Variants in ZDHHC7 observed in about 807,000 individuals in gnomAD.
ZDHHC7 encodes palmitoyltransferase ZDHHC7.
ZDHHC7 carries 12 observed loss-of-function variants against 34.1 expected under a neutral mutation model. That is an observed-to-expected ratio of 0.35 (90% CI 0.23 to 0.57). The LOEUF (loss-of-function observed/expected upper bound fraction) is 0.57, where lower values mean the gene tolerates loss of function less well. Among genes scored for constraint, ZDHHC7 ranks in the 20% least tolerant of loss-of-function variants. ZDHHC7 has a pLI of 0.84. For missense variants in ZDHHC7, 388 were observed against 402.7 expected (o/e 0.96, Z 0.31); for synonymous variants, 185 against 155.4 (o/e 1.19, Z -1.42).
At chr16:85,012,107 C>A (rs142265021), upstream of ZDHHC7, among the ~76,000 whole-genome samples, 1,051 of 152,204 alleles carry the variant, frequency 6.9e-3, 14 homozygotes, top group African/African-American at 0.024. Context: ...TAAGGCCGGG[C>A]GCGGTGGCTC....
intron 1 of ZDHHC7, among the ~76,000 whole-genome samples, chr16:85,005,752 G>C (rs970396904): frequency 6.6e-6 from 1 of 152,152 alleles, no homozygotes; most frequent in Non-Finnish European, 1.5e-5. Flanking sequence ...CCCTCCTCAC[G>C]CAGTGCTGCA....
At chr16:84,978,517 T>C (rs1463222491) in intron 5 of ZDHHC7, among the ~76,000 whole-genome samples, 1 of 152,058 alleles carries the variant, frequency 6.6e-6, no homozygotes, top group Non-Finnish European at 1.5e-5. Context: ...GCAGATGGCT[T>C]GAGCTCAGGA....
chr16:85,007,182 G>T (rs892489306), intron 1 of ZDHHC7, among the ~76,000 whole-genome samples: 2 of 151,976 alleles, frequency 1.3e-5, no homozygotes, highest in African/African-American at 4.8e-5. Context: ...CCAGCACTTT[G>T]GGAGGCCAAG....
At chr16:84,990,792 T>A (rs930170660) in intron 2 of ZDHHC7, among the ~76,000 whole-genome samples, 157 bp from the exon 3 acceptor site, 1 of 152,226 alleles carries the variant, frequency 6.6e-6, no homozygotes, top group African/African-American at 2.4e-5. Context: ...TCTGAATTTT[T>A]AAATCTCTGA....
At chr16:85,012,575 A>G (rs555172229), upstream of ZDHHC7, among the ~76,000 whole-genome samples, 1 of 152,138 alleles carries the variant, frequency 6.6e-6, no homozygotes, top group East Asian at 1.9e-4. Context: ...GGTATGCCAG[A>G]CAATACCTAC....
the ZDHHC7 span, among the ~76,000 whole-genome samples, chr16:85,020,427 C>T: frequency 6.6e-6 from 1 of 152,116 alleles, no homozygotes; most frequent in South Asian, 2.1e-4. Context: ...TAATTGCAAA[C>T]GTGTTTCTGT....
intron 1 of ZDHHC7, among the ~76,000 whole-genome samples, chr16:84,999,285 T>A (rs1433199509): frequency 6.6e-6 from 1 of 152,164 alleles, no homozygotes; most frequent in East Asian, 1.9e-4. Flanking sequence ...TTTTAAAAAG[T>A]AACCACTTTG....
At chr16:85,022,240 G>T in the ZDHHC7 span, among the ~76,000 whole-genome samples, 2 of 151,248 alleles carry the variant, frequency 1.3e-5, no homozygotes, top group African/African-American at 4.9e-5. Context: ...AGAAAACTCA[G>T]CCAGGCACAG....
intron 3 of ZDHHC7, among the ~76,000 whole-genome samples, chr16:84,989,362 G>C (rs997589086): frequency 3.9e-5 from 6 of 152,200 alleles, no homozygotes; most frequent in Non-Finnish European, 5.9e-5. Context: ...GCCACGTGCA[G>C]ACCACATTCT....
the ZDHHC7 span, among the ~76,000 whole-genome samples, chr16:85,021,676 C>G: frequency 6.6e-6 from 1 of 151,886 alleles, no homozygotes; most frequent in African/African-American, 2.4e-5. Context: ...AGAGATTGTG[C>G]CACTGCACTC....
the ZDHHC7 span, among the ~76,000 whole-genome samples, chr16:85,022,768 C>G: frequency 6.6e-6 from 1 of 152,174 alleles, no homozygotes; most frequent in African/African-American, 2.4e-5. Flanking sequence ...GACAAATAGA[C>G]AGTATGTGCC....
chr16:85,002,524 C>G (rs1469000200), intron 1 of ZDHHC7, among the ~76,000 whole-genome samples: 1 of 152,118 alleles, frequency 6.6e-6, no homozygotes, highest in African/African-American at 2.4e-5. Context: ...ATCCCTGACC[C>G]ACAGCACTGC....
the ZDHHC7 span, among the ~76,000 whole-genome samples, chr16:85,021,878 C>T: frequency 3.3e-5 from 5 of 151,642 alleles, no homozygotes; most frequent in South Asian, 4.2e-4. Context: ...AAAGACAGGC[C>T]GGGCGCAGTG....
rs549990061 is a variant in ZDHHC7 at position 85,009,510 on chromosome 16, T to C, written c.-104+1776A>G. 2.0e-5 allele frequency among the ~76,000 whole-genome samples: 3 copies of C among 150,968 alleles called. No individual in the cohort carries two copies. The South Asian group carries it at 6.2e-4, about 31-fold the overall frequency. ...GCCAATGGTAGCAGAAGAGTTCCCA[T>C]TGTTACTTAGCGAATCCTTTGGGAA... is the stretch of plus-strand genomic sequence containing the variant. On this transcript the variant is annotated intron_variant, in intron 1 of 7. Transcript: ENST00000313732.
intron 4 of ZDHHC7, among the ~76,000 whole-genome samples, chr16:84,980,532 T>C (rs1247974662): frequency 6.6e-6 from 1 of 151,734 alleles, no homozygotes. Flanking sequence ...CAGCCAGGCA[T>C]GGTGGCGGGC....
chr16:85,003,633 C>G (rs969847097), intron 1 of ZDHHC7, among the ~76,000 whole-genome samples: 1 of 152,096 alleles, frequency 6.6e-6, no homozygotes. Flanking sequence ...GAATATTAAC[C>G]CAACTCAAGC....
chr16:84,990,457 C>A lies in ZDHHC7; in HGVS notation c.162G>T (p.Thr54=). ...AGTCTGCATAGGCGACCAGAAGCCA[C>A]GTCATGACAGCACAGATCATGCCGC... The part of the protein sequence containing the change: ...DGCGMICAVM[T]WLLVAYADFV... The change falls in exon 3 of 8, where the codon ACG becomes ACT. Residue 54 remains threonine, a synonymous_variant. Transcript: ENST00000313732. 1 of 1,614,152 alleles carries A rather than the reference C, an allele frequency of 6.2e-7. No individual in the cohort carries two copies. The highest frequency in any genetic ancestry group is 1.7e-5 in the Admixed American group (1 of 60,008).
intron 1 of ZDHHC7, among the ~76,000 whole-genome samples, chr16:85,002,202 G>A (rs1048668355): frequency 8.5e-5 from 13 of 152,314 alleles, no homozygotes; most frequent in Admixed American, 3.3e-4. Context: ...CCACGAGTCC[G>A]AGGAATGCCT....
At chr16:84,979,592 A>T (rs1208525594) in intron 4 of ZDHHC7, among the ~76,000 whole-genome samples, 1 of 152,116 alleles carries the variant, frequency 6.6e-6, no homozygotes, top group Non-Finnish European at 1.5e-5. Flanking sequence ...TAATGTTCCT[A>T]ATTTTGCAAG....
Sources: allele counts gnomAD v4.1 joint callset (sites outside exome capture counted in the v4.1 genomes callset), GRCh38; gene constraint gnomAD v4.1.1; transcripts MANE v1.5; gene names NCBI Gene and HGNC (gene_info 2026-07-23, HGNC 2026-07-21).